Variants in EDF1 observed in about 807,000 individuals in gnomAD.
EDF1 encodes the protein endothelial differentiation related factor 1, also known as endothelial differentiation-related factor 1.
In EDF1, 5 loss-of-function variants were observed where a neutral mutation model predicts 20.8. The ratio of observed to expected loss-of-function variants is 0.24; its 90% CI spans 0.13 to 0.51. The LOEUF is 0.51. EDF1 is among the 20% of genes least tolerant of loss of function. EDF1 has a pLI of 0.97. For synonymous variants in EDF1, 96 were observed against 78.5 expected (o/e 1.22, Z -1.18); for missense variants, 137 against 197.8 (o/e 0.69, Z 1.84).
chr9:136,863,205 A>AG lies in EDF1; in HGVS notation c.291+82_291+83insC, dbSNP rs1849144038. ...CAGGGGAACCAGGGGGGTGGAGCCC[A>AG]CCCTCCCCGTGCTATCTGAACACCG... On this transcript the variant is annotated intron_variant, in intron 3 of 4. Transcript: ENST00000224073. The surrounding 1 kb of genome is among the most constrained non-coding windows in gnomAD (Gnocchi z 4.5). 2.6e-6 allele frequency: 4 copies of AG among 1,555,160 alleles called. No individual in the cohort carries two copies. Among genetic ancestry groups the AG allele is most frequent in the African/African-American group, 1.4e-5 (1 of 73,828 alleles).
In EDF1 at chr9:136,863,889, A is replaced by G. The variant is rs187202192; in HGVS notation, c.79-18T>C. 29 of 1,613,502 alleles carry G rather than the reference A, an allele frequency of 1.8e-5. No homozygotes were observed. The African/African-American group carries it at 3.3e-4, about 19-fold the overall frequency. ...AAGATAGCCTAGAAAATTAGAAAAC[A>G]TCAGTGGATCAAAATTAGCTTTGAC... is the stretch of plus-strand genomic sequence containing the variant. On this transcript the variant is annotated intron_variant, in intron 1 of 4. Transcript: ENST00000224073. This position sits in a 1 kb window ranked among gnomAD's most constrained non-coding sequence, Gnocchi z 4.5.
In EDF1 at chr9:136,863,155, A is replaced by ACCTGGCTTC; in HGVS notation, c.291+124_291+132dup. 6.6e-7 allele frequency: 1 copy of ACCTGGCTTC among 1,517,048 alleles called. No homozygotes were observed. The highest frequency in any genetic ancestry group is 1.2e-5 in the South Asian group (1 of 83,374). 94.0% of individuals were successfully genotyped at this position (1,517,048 alleles called of 1,614,324 possible). On this transcript the variant is annotated intron_variant, in intron 3 of 4. Coordinates refer to ENST00000224073, the MANE Select transcript of EDF1 (RefSeq NM_003792.4). This position sits in a 1 kb window ranked among gnomAD's most constrained non-coding sequence, Gnocchi z 4.5. The stretch of plus-strand genomic sequence containing the variant: ...GCGAGAGGCAGTGAGAGCCGGGCTG[A>ACCTGGCTTC]CCTGGCTTCCCGAGGCATTCCCTGC...
In EDF1 at chr9:136,862,315, T is replaced by C; in HGVS notation, c.416A>G (p.Lys139Arg). 1 of 1,613,970 alleles carries C rather than the reference T, an allele frequency of 6.2e-7. No homozygotes were observed. The highest frequency in any genetic ancestry group is 8.5e-7 in the Non-Finnish European group (1 of 1,179,972). ...GLKLRGKDIG[K>R]PIEKGPRAK ...CGCCCTAGGCCCCTTCTCGATGGGC[T>C]TTCCAATGTCCTTTCCCCGGAGCTT... is the stretch of plus-strand genomic sequence containing the variant. Residue 139 changes from lysine to arginine, a missense_variant, in exon 5 of 5, where the codon AAG (lysine) becomes AGG (arginine). Transcript: ENST00000224073. The surrounding 1 kb of genome is among the most constrained non-coding windows in gnomAD (Gnocchi z 4.1).
chr9:136,862,960 T>G lies in EDF1; in HGVS notation c.331A>C (p.Ser111Arg). The G allele has an allele frequency of 1.9e-6, 3 of 1,613,974 alleles. No homozygotes were observed. The highest frequency in any genetic ancestry group is 2.5e-6 in the Non-Finnish European group (3 of 1,180,012). Residue 111 changes from serine to arginine, a missense_variant, in exon 4 of 5, where the codon AGC (serine) becomes CGC (arginine). Transcript: ENST00000224073. The surrounding 1 kb of genome is among the most constrained non-coding windows in gnomAD (Gnocchi z 4.1). Reference protein sequence around the residue: ...EKPQVIADYESGRAIPNNQVL... With the variant: ...EKPQVIADYERGRAIPNNQVL... ...TGGTTATTGGGTATGGCCCGTCCGCTCTCATAGTCCGCGATCACCTGTGGC... is the reference window on the plus strand; with the variant it reads ...TGGTTATTGGGTATGGCCCGTCCGCGCTCATAGTCCGCGATCACCTGTGGC...
In EDF1 at chr9:136,862,398, C is replaced by A. The variant is rs919047881; in HGVS notation, c.386-53G>T. The A allele has an allele frequency of 5.0e-6, 8 of 1,613,984 alleles. No individual in the cohort carries two copies. The highest frequency in any genetic ancestry group is 6.8e-6 in the Non-Finnish European group (8 of 1,180,020). ...TGCAGCACCAGCTCCCTCCTCCCCCCAACGCTGCCCCTCTTCAACATCTTC... is the reference window on the plus strand; with the variant it reads ...TGCAGCACCAGCTCCCTCCTCCCCCAAACGCTGCCCCTCTTCAACATCTTC... On this transcript the variant is annotated intron_variant, in intron 4 of 4. Transcript: ENST00000224073. This position sits in a 1 kb window ranked among gnomAD's most constrained non-coding sequence, Gnocchi z 4.1.
rs898433714 is a variant in EDF1 at position 136,864,989 on chromosome 9, G to T, written c.79-1118C>A. Among the ~76,000 whole-genome samples, 9 of 152,316 alleles carry T rather than the reference G, an allele frequency of 5.9e-5. No individual in the cohort carries two copies. In the East Asian group the frequency reaches 1.7e-3, roughly 29 times the overall value. ...TAAGTGTGATCTGCTCACAGATGCT[G>T]CCACGCAATTATTCCCATGACTCCT... On this transcript the variant is annotated intron_variant, in intron 1 of 4. Coordinates refer to ENST00000224073, the MANE Select transcript of EDF1 (RefSeq NM_003792.4).
rs1273037066 is a variant in EDF1, at chr9:136,862,571, C to T, written c.386-226G>A. ...CACCCCTCTCCGGAAGAACCGGAGC[C>T]GGGGTCCTCTGTGGAACTGGCTTCC... On this transcript the variant is annotated intron_variant, in intron 4 of 4. Coordinates refer to ENST00000224073, the MANE Select transcript of EDF1 (RefSeq NM_003792.4). This position sits in a 1 kb window ranked among gnomAD's most constrained non-coding sequence, Gnocchi z 4.1. 3.6e-5 allele frequency: 56 copies of T among 1,569,974 alleles called. No individual in the cohort carries two copies. The East Asian group carries it at 9.4e-4, about 26-fold the overall frequency.
At chr9:136,865,658 T>C (rs1849202812) in intron 1 of EDF1, among the ~76,000 whole-genome samples, 1 of 124,604 alleles carries the variant, frequency 8.0e-6, no homozygotes, top group South Asian at 2.6e-4. Flanking sequence ...CACTCTACCC[T>C]GTTCTTCCAA....
At position 136,863,402 on chromosome 9, in the gene EDF1, G is replaced by C. The variant is rs1849150820; in HGVS notation, c.177C>G (p.Ala59=). 6.2e-7 allele frequency: 1 copy of C among 1,614,024 alleles called. No homozygotes were observed. The highest frequency in any genetic ancestry group is 2.2e-5 in the East Asian group (1 of 44,902). Residue 59 remains alanine, a synonymous_variant, in exon 3 of 5, where the codon GCC becomes GCG. Coordinates refer to ENST00000224073, the MANE Select transcript of EDF1 (RefSeq NM_003792.4). This position sits in a 1 kb window ranked among gnomAD's most constrained non-coding sequence, Gnocchi z 4.5. ...NKQHSITKNT[A]KLDRETEELH... ...GCTCCTCTGTCTCCCGGTCCAGCTT[G>C]GCCGTGTTCTTGGTAATAGAATGTT... is the stretch of plus-strand genomic sequence containing the variant.
Position 136,866,286 on chromosome 9 carries a change from C to T in EDF1, c.-28G>A, listed in dbSNP as rs759076493. The T allele has an allele frequency of 1.9e-6, 3 of 1,590,758 alleles. No homozygotes were observed. Among genetic ancestry groups the T allele is most frequent in the Non-Finnish European group, 2.6e-6 (3 of 1,172,898 alleles). On this transcript the variant is annotated 5_prime_UTR_variant, in exon 1 of 5. Transcript: ENST00000224073. ...CGGGCGAAGACGAGCGTCCGTCCGG[C>T]GGCTCAGCGGCAGCTGCTAGAGACC...
In EDF1 at chr9:136,863,321, C is replaced by A; in HGVS notation, c.258G>T (p.Gln86His). 6.2e-7 allele frequency: 1 copy of A among 1,613,926 alleles called. No homozygotes were observed. Among genetic ancestry groups the A allele is most frequent in the Non-Finnish European group, 8.5e-7 (1 of 1,180,016 alleles). The change falls in exon 3 of 5, where the codon CAG becomes CAT. Residue 86 changes from glutamine to histidine, a missense_variant. Gln to His is a conservative substitution (Grantham distance 24). Coordinates refer to ENST00000224073, the MANE Select transcript of EDF1 (RefSeq NM_003792.4). This position sits in a 1 kb window ranked among gnomAD's most constrained non-coding sequence, Gnocchi z 4.5. ...GGTCCTTCTGCGTAAGCCCCTTGCT[C>A]TGCCGACCTTGCTGGATCACCTTGC... Reference protein sequence around the residue: ...EVGKVIQQGRQSKGLTQKDLA... With the variant: ...EVGKVIQQGRHSKGLTQKDLA...
intron 1 of EDF1, among the ~76,000 whole-genome samples, 194 bp downstream of exon 1, chr9:136,865,987 C>T (rs1300562068): frequency 1.3e-5 from 2 of 148,186 alleles, no homozygotes; most frequent in African/African-American, 5.0e-5. Context: ...CTGTCCTGGC[C>T]CGGTCCTCCT....
Position 136,862,888 on chromosome 9 carries a change from G to C in EDF1, c.385+18C>G, listed in dbSNP as rs755434591. On this transcript the variant is annotated intron_variant, in intron 4 of 4. Coordinates refer to ENST00000224073, the MANE Select transcript of EDF1 (RefSeq NM_003792.4). This position sits in a 1 kb window ranked among gnomAD's most constrained non-coding sequence, Gnocchi z 4.1. ...CTCCCTGTTCAGCGGACCCGGCGAA[G>C]GGTGGAGGGACACTCACCAATGGCC... The C allele has an allele frequency of 6.2e-7, 1 of 1,613,014 alleles. No homozygotes were observed.
At position 136,864,099 on chromosome 9, in the gene EDF1, G is replaced by A. The variant is rs968431837; in HGVS notation, c.79-228C>T. On this transcript the variant is annotated intron_variant, in intron 1 of 4. Coordinates refer to ENST00000224073, the MANE Select transcript of EDF1 (RefSeq NM_003792.4). ...AAGTAGCAGGATCACTTGAGGCCAC[G>A]AGTTCGAGACCAGCCTGGGCAACAC... is the stretch of plus-strand genomic sequence containing the variant. Among the ~76,000 whole-genome samples, 8 of 151,976 alleles carry A rather than the reference G, an allele frequency of 5.3e-5. No homozygotes were observed. The East Asian group carries it at 9.7e-4, about 18-fold the overall frequency.
Position 136,863,917 on chromosome 9 carries a change from T to C in EDF1, c.79-46A>G. The C allele has an allele frequency of 6.2e-7, 1 of 1,603,378 alleles. No homozygotes were observed. The highest frequency in any genetic ancestry group is 8.5e-7 in the Non-Finnish European group (1 of 1,171,778). On this transcript the variant is annotated intron_variant, in intron 1 of 4. Transcript: ENST00000224073. The surrounding 1 kb of genome is among the most constrained non-coding windows in gnomAD (Gnocchi z 4.5). ...AGTGGATCAAAATTAGCTTTGACAG[T>C]ATCCAGCACACACCAATTCAGGCCT...
Position 136,866,238 on chromosome 9 carries a change from G to A in EDF1, c.21C>T (p.Asp7=), listed in dbSNP as rs761207174. 6 of 1,600,382 alleles carry A rather than the reference G, an allele frequency of 3.7e-6. No individual in the cohort carries two copies. The highest frequency in any genetic ancestry group is 1.7e-4 in the Middle Eastern group (1 of 6,032). ...CCTTCTTGCGCAGCACCGTCACCGTGTCCCAGTCGCTCTCGGCCATGGCGG... is the reference window on the plus strand; with the variant it reads ...CCTTCTTGCGCAGCACCGTCACCGTATCCCAGTCGCTCTCGGCCATGGCGG... The part of the protein sequence containing the change: MAESDW[D]TVTVLRKKGP... Residue 7 remains aspartate, a synonymous_variant, in exon 1 of 5, where the codon GAC becomes GAT. Coordinates refer to ENST00000224073, the MANE Select transcript of EDF1 (RefSeq NM_003792.4).
In EDF1 at chr9:136,862,585, G is replaced by A. The variant is rs1326750425; in HGVS notation, c.386-240C>T. On this transcript the variant is annotated intron_variant, in intron 4 of 4. Coordinates refer to ENST00000224073, the MANE Select transcript of EDF1 (RefSeq NM_003792.4). This position sits in a 1 kb window ranked among gnomAD's most constrained non-coding sequence, Gnocchi z 4.1. ...AGAACCGGAGCCGGGGTCCTCTGTG[G>A]AACTGGCTTCCGGCCCCATGCTGAC... 1.3e-6 allele frequency: 2 copies of A among 1,556,788 alleles called. No homozygotes were observed. The highest frequency in any genetic ancestry group is 3.8e-5 in the Admixed American group (2 of 53,268).
Position 136,863,256 on chromosome 9 carries a change from C to G in EDF1, c.291+32G>C, listed in dbSNP as rs773122165. Reference sequence around the variant, plus strand: ...GCCATCCCCCTCCCCAAACCCACAACCCCAGGAGTGAGAGCCCCGGCGCAG... The same window carrying G: ...GCCATCCCCCTCCCCAAACCCACAAGCCCAGGAGTGAGAGCCCCGGCGCAG... On this transcript the variant is annotated intron_variant, in intron 3 of 4. Transcript: ENST00000224073. The surrounding 1 kb of genome is among the most constrained non-coding windows in gnomAD (Gnocchi z 4.5). 7.5e-6 allele frequency: 12 copies of G among 1,601,544 alleles called. No homozygotes were observed. Among genetic ancestry groups the G allele is most frequent in the Non-Finnish European group, 9.4e-6 (11 of 1,175,224 alleles).
chr9:136,863,312 C>A lies in EDF1; in HGVS notation c.267G>T (p.Gly89=), dbSNP rs1849147539. ...CCGTGGCCAGGTCCTTCTGCGTAAG[C>A]CCCTTGCTCTGCCGACCTTGCTGGA... ...KVIQQGRQSK[G]LTQKDLATKI... is the part of the protein sequence containing the mutation. The change falls in exon 3 of 5, where the codon GGG becomes GGT. Residue 89 remains glycine, a synonymous_variant. Coordinates refer to ENST00000224073, the MANE Select transcript of EDF1 (RefSeq NM_003792.4). The surrounding 1 kb of genome is among the most constrained non-coding windows in gnomAD (Gnocchi z 4.5). 7 of 1,613,580 alleles carry A rather than the reference C, an allele frequency of 4.3e-6. No homozygotes were observed. The highest frequency in any genetic ancestry group is 3.3e-5 in the Admixed American group (2 of 60,016).
Sources: allele counts gnomAD v4.1 joint callset (sites outside exome capture counted in the v4.1 genomes callset), GRCh38; gene constraint gnomAD v4.1.1; non-coding constraint Gnocchi (gnomAD v3.1); transcripts MANE v1.5; gene names NCBI Gene and HGNC (gene_info 2026-07-23, HGNC 2026-07-21).